Variants in SIPA1L1 observed in about 807,000 individuals in gnomAD.
SIPA1L1 encodes signal-induced proliferation-associated 1-like protein 1.
SIPA1L1 carries 26 observed loss-of-function variants against 162.7 expected under a neutral mutation model. The ratio of observed to expected loss-of-function variants is 0.16; its 90% CI spans 0.12 to 0.22. The LOEUF (loss-of-function observed/expected upper bound fraction) is 0.22, where lower values mean the gene tolerates loss of function less well. Ranked by LOEUF, SIPA1L1 falls within the 10% of genes least tolerant of loss-of-function variation. SIPA1L1 has a pLI of 1.00. For synonymous variants in SIPA1L1, 829 were observed against 837.4 expected, an observed-to-expected ratio of 0.99 and a Z score of 0.17; for missense variants, 1,874 against 2,241.0, an observed-to-expected ratio of 0.84 and a Z score of 3.31.
rs371267757 is a variant in SIPA1L1, at chr14:71,699,136, G to A, written c.3521+9G>A. 1.8e-5 allele frequency: 29 copies of A among 1,613,774 alleles called. No homozygotes were observed. Among genetic ancestry groups the A allele is most frequent in the Admixed American group, 1.7e-5 (1 of 60,004 alleles). On this transcript the variant is annotated intron_variant, in intron 14 of 23. Transcript: ENST00000381232. Reference sequence around the variant, plus strand: ...AAGTCCATGCCCGAAGGGTAGTTATGCGTTTGTCCCATTGTACATGGTCCC... The same window carrying A: ...AAGTCCATGCCCGAAGGGTAGTTATACGTTTGTCCCATTGTACATGGTCCC...
chr14:71,563,954 C>T (rs1277965795), intron 4 of SIPA1L1, among the ~76,000 whole-genome samples: 1 of 152,058 alleles, frequency 6.6e-6, no homozygotes, highest in Non-Finnish European at 1.5e-5. Flanking sequence ...TCTCATTTTC[C>T]TTTTTTATTT....
chr14:71,450,775 GA>G (rs1347837356), intron 2 of SIPA1L1, among the ~76,000 whole-genome samples: 2 of 152,236 alleles, frequency 1.3e-5, no homozygotes, highest in Admixed American at 6.5e-5. Flanking sequence ...GAGGATGGGG[GA>G]AAAGGGAACC....
intron 4 of SIPA1L1, among the ~76,000 whole-genome samples, chr14:71,576,061 A>T (rs1210012448): frequency 6.6e-6 from 1 of 152,226 alleles, no homozygotes; most frequent in East Asian, 1.9e-4. Context: ...TTTTATTTCT[A>T]GTGATTACAT....
intron 3 of SIPA1L1, among the ~76,000 whole-genome samples, chr14:71,525,548 A>G (rs909763559): frequency 6.6e-6 from 1 of 152,176 alleles, no homozygotes; most frequent in African/African-American, 2.4e-5. Flanking sequence ...CATTTCACTA[A>G]TGACATAAGC....
intron 2 of SIPA1L1, among the ~76,000 whole-genome samples, chr14:71,458,595 G>A (rs950285399): frequency 2.6e-5 from 4 of 152,140 alleles, no homozygotes; most frequent in East Asian, 1.9e-4. Context: ...ATAAGAAGTG[G>A]AAGTAAAATG....
At chr14:71,517,623 C>G (rs970905828) in intron 3 of SIPA1L1, among the ~76,000 whole-genome samples, 13 of 152,168 alleles carry the variant, frequency 8.5e-5, no homozygotes. Context: ...AGTGATTGTA[C>G]CAATGTACAT....
intron 5 of SIPA1L1, 66 bp downstream of exon 5, chr14:71,589,436 A>T (rs1266194892): frequency 2.2e-6 from 2 of 918,074 alleles, no homozygotes; most frequent in Admixed American, 2.5e-5. Context: ...AGTACTGTAT[A>T]TTAAGATATT....
At chr14:71,454,373 G>A (rs1048200554) in intron 2 of SIPA1L1, among the ~76,000 whole-genome samples, 4 of 152,324 alleles carry the variant, frequency 2.6e-5, no homozygotes, top group African/African-American at 9.6e-5. Flanking sequence ...CTGGGCGCCA[G>A]TAATATATAA....
intron 2 of SIPA1L1, among the ~76,000 whole-genome samples, chr14:71,324,826 C>T (rs533531403): frequency 6.6e-6 from 1 of 152,074 alleles, no homozygotes; most frequent in South Asian, 2.1e-4. Context: ...AATTTTAGAC[C>T]TTTTTTCTCA....
At chr14:71,476,288 G>C (rs2047841965) in intron 2 of SIPA1L1, among the ~76,000 whole-genome samples, 1 of 152,178 alleles carries the variant, frequency 6.6e-6, no homozygotes, top group South Asian at 2.1e-4. Flanking sequence ...CTGTTTCCCG[G>C]ATGTTTCACC....
intron 2 of SIPA1L1, among the ~76,000 whole-genome samples, chr14:71,400,628 T>C (rs2041598051): frequency 1.3e-5 from 2 of 149,760 alleles, no homozygotes; most frequent in Non-Finnish European, 3.0e-5. Context: ...CTGTATAATA[T>C]ATACATATAT....
intron 7 of SIPA1L1, among the ~76,000 whole-genome samples, chr14:71,627,773 T>G (rs1451882575): frequency 2.0e-5 from 3 of 152,150 alleles, no homozygotes; most frequent in Non-Finnish European, 4.4e-5. Context: ...ATACAGAAAT[T>G]CCCAGAGCTG....
At chr14:71,417,706 G>GA (rs944024812) in intron 2 of SIPA1L1, among the ~76,000 whole-genome samples, 8 of 151,806 alleles carry the variant, frequency 5.3e-5, no homozygotes, top group African/African-American at 1.7e-4. Flanking sequence ...AACTGTTATT[G>GA]AAAAAATCCA....
chr14:71,324,946 T>G (rs763898013), intron 2 of SIPA1L1, among the ~76,000 whole-genome samples: 8 of 152,012 alleles, frequency 5.3e-5, no homozygotes, highest in Non-Finnish European at 7.4e-5. Context: ...TGGGACTGAT[T>G]TATGTTGCGC....
chr14:71,629,354 G>A (rs1386938175), intron 7 of SIPA1L1, among the ~76,000 whole-genome samples: 2 of 152,122 alleles, frequency 1.3e-5, no homozygotes, highest in Admixed American at 6.6e-5. Context: ...CTGTTTTATA[G>A]CTAAGAGCAC....
At chr14:71,366,492 A>G (rs2038308153) in intron 2 of SIPA1L1, among the ~76,000 whole-genome samples, 1 of 152,116 alleles carries the variant, frequency 6.6e-6, no homozygotes, top group African/African-American at 2.4e-5. Flanking sequence ...GCTGGAGTGC[A>G]GTGGCGTGAT....
Position 71,399,651 on chromosome 14 carries a change from C to T in SIPA1L1, c.-465+78470C>T, listed in dbSNP as rs564007791. Among the ~76,000 whole-genome samples the T allele has an allele frequency of 4.6e-5, 7 of 152,198 alleles. No individual in the cohort carries two copies. In the East Asian group the frequency reaches 1.2e-3, roughly 25 times the overall value. ...CTTGAATCCCTGGCCTCAAACCATC[C>T]TCTCTTCTCTGCTCCCAAAGTGCTG... On this transcript the variant is annotated intron_variant, in intron 2 of 23. Coordinates refer to ENST00000381232, the MANE Select transcript of SIPA1L1 (RefSeq NM_001386936.1).
chr14:71,391,856 A>G (rs1477084368), intron 2 of SIPA1L1, among the ~76,000 whole-genome samples: 1 of 152,170 alleles, frequency 6.6e-6, no homozygotes, highest in East Asian at 1.9e-4. Flanking sequence ...CAGGGAGGAC[A>G]TTGTGGTTGT....
At chr14:71,567,240 C>T (rs1156932512) in intron 4 of SIPA1L1, among the ~76,000 whole-genome samples, 1 of 152,196 alleles carries the variant, frequency 6.6e-6, no homozygotes, top group Non-Finnish European at 1.5e-5. Context: ...CTTAAACTTT[C>T]AGCAGTTCCC....
Sources: gnomAD v4.1 joint callset for allele counts (sites outside exome capture counted in the v4.1 genomes callset) on GRCh38, gnomAD v4.1.1 for gene constraint, MANE v1.5 for transcripts, NCBI Gene and HGNC (gene_info 2026-07-23, HGNC 2026-07-21) for gene names.